The following IL15 variants were observed in gnomAD, a reference collection of about 807,000 sequenced individuals.
The protein encoded by IL15 is interleukin-15.
IL15 carries 11 observed loss-of-function variants against 19.6 expected under a neutral mutation model. The ratio of observed to expected loss-of-function variants is 0.56; its 90% confidence interval spans 0.35 to 0.93. IL15 has a LOEUF of 0.93. Ranked by LOEUF, IL15 falls within the 40% of genes least tolerant of loss-of-function variation. IL15 has a pLI of 0.01. For synonymous variants in IL15, 58 were observed against 59.6 expected, an observed-to-expected ratio of 0.97 and a Z score of 0.12; for missense variants, 197 against 186.5, an observed-to-expected ratio of 1.06 and a Z score of -0.33.
intron 1 of IL15, among the ~76,000 whole-genome samples, chr4:141,651,493 CTGGTGA>C (rs1162695508): frequency 9.2e-5 from 14 of 152,050 alleles, no homozygotes; most frequent in Admixed American, 8.5e-4. Context: ...GTACATTATT[CTGGTGA>C]TGGTTACACT....
intron 2 of IL15, among the ~76,000 whole-genome samples, chr4:141,660,775 T>C (rs1415245559): frequency 6.6e-6 from 1 of 152,184 alleles, no homozygotes; most frequent in African/African-American, 2.4e-5. Flanking sequence ...AGCACTTCAG[T>C]GATTATATTT....
At chr4:141,650,920 A>G (rs531893336) in intron 1 of IL15, among the ~76,000 whole-genome samples, 12 of 152,226 alleles carry the variant, frequency 7.9e-5, no homozygotes, top group Non-Finnish European at 2.9e-5. Flanking sequence ...CCAAGTCTCT[A>G]GACCCCAGTC....
chr4:141,662,808 A>G (rs1727837718), intron 2 of IL15, among the ~76,000 whole-genome samples: 1 of 150,978 alleles, frequency 6.6e-6, no homozygotes, highest in Non-Finnish European at 1.5e-5. Context: ...ATTACATTCT[A>G]TCTAATGACT....
In IL15 at chr4:141,684,702, C is replaced by A. The variant is rs181443633; in HGVS notation, c.-100+28395C>A. Among the ~76,000 whole-genome samples, 17 of 152,274 alleles carry A rather than the reference C, an allele frequency of 1.1e-4. No homozygotes were observed. The East Asian group carries it at 3.1e-3, about 28-fold the overall frequency. On this transcript the variant is annotated intron_variant, in intron 2 of 7. Transcript: ENST00000320650. ...ACTTTATCCACTCTTCAAAACTAAC[C>A]TCAATTACCACCCATTCCAAGGCCT...
chr4:141,647,011 A>G (rs916999441), intron 1 of IL15, among the ~76,000 whole-genome samples: 4 of 152,158 alleles, frequency 2.6e-5, no homozygotes, highest in Non-Finnish European at 4.4e-5. Context: ...AATGCTAAGT[A>G]GTAGGGTACT....
intron 2 of IL15, among the ~76,000 whole-genome samples, chr4:141,668,198 G>T (rs189994502): frequency 6.6e-6 from 1 of 152,162 alleles, no homozygotes; most frequent in Non-Finnish European, 1.5e-5. Flanking sequence ...GGAAATACAC[G>T]CACATCCTTG....
intron 5 of IL15, among the ~76,000 whole-genome samples, chr4:141,726,802 T>C (rs1005937029): frequency 6.6e-6 from 1 of 152,076 alleles, no homozygotes; most frequent in Non-Finnish European, 1.5e-5. Context: ...CAGGGTATTA[T>C]GATGAGTGAA....
Position 141,701,492 on chromosome 4 carries a change from T to C in IL15, c.-99-17874T>C, listed in dbSNP as rs188021812. ...GGCAAGTTCACTGTCTCCTATGGAG[T>C]TGGAATGGCAGGGATCTCTTGAAGT... On this transcript the variant is annotated intron_variant, in intron 2 of 7. Coordinates refer to ENST00000320650, the MANE Select transcript of IL15 (RefSeq NM_000585.5). Among the ~76,000 whole-genome samples, 6 of 152,248 alleles carry C rather than the reference T, an allele frequency of 3.9e-5. No individual in the cohort carries two copies. In the East Asian group the frequency reaches 1.2e-3, roughly 29 times the overall value.
intron 3 of IL15, 49 bp from the exon 4 acceptor site, chr4:141,720,420 A>G: frequency 1.1e-6 from 1 of 941,264 alleles, no homozygotes; most frequent in Non-Finnish European, 1.7e-6. Context: ...TTTAAACCTC[A>G]CTTTTTAACT....
chr4:141,664,066 T>C (rs1302197650), intron 2 of IL15, among the ~76,000 whole-genome samples: 1 of 152,086 alleles, frequency 6.6e-6, no homozygotes, highest in Non-Finnish European at 1.5e-5. Context: ...GCTTATTCTG[T>C]TAAAAGTATA....
intron 2 of IL15, chr4:141,715,943 A>G (rs1205557945): frequency 6.6e-6 from 1 of 152,202 alleles, no homozygotes; most frequent in Non-Finnish European, 1.5e-5. Context: ...CTTGGGAAAT[A>G]GCAATGGTGT....
intron 1 of IL15, among the ~76,000 whole-genome samples, chr4:141,640,423 A>G (rs886447606): frequency 6.6e-6 from 1 of 152,174 alleles, no homozygotes; most frequent in African/African-American, 2.4e-5. Context: ...TTCGGATATC[A>G]TATGCATTCT....
At chr4:141,702,947 A>G (rs1050043556) in intron 2 of IL15, among the ~76,000 whole-genome samples, 1 of 152,196 alleles carries the variant, frequency 6.6e-6, no homozygotes, top group African/African-American at 2.4e-5. Context: ...TGTAAGAGGC[A>G]TGGGGTGGTT....
At chr4:141,683,193 G>A (rs1461239086) in intron 2 of IL15, among the ~76,000 whole-genome samples, 1 of 151,132 alleles carries the variant, frequency 6.6e-6, no homozygotes, top group Non-Finnish European at 1.5e-5. Flanking sequence ...CACTTGAACC[G>A]GGTAGGTGGA....
At chr4:141,704,583 C>T in intron 2 of IL15, 1 of 382,070 alleles carries the variant, frequency 2.6e-6, no homozygotes, top group Non-Finnish European at 5.3e-6. Context: ...AGTATTCTCC[C>T]ATCTTCAATT....
Position 141,733,011 on chromosome 4 carries a change from GA to G in IL15, c.*168del. ...AGATGAACTCTTAGAAATGAAGGCA[GA>G]AAAATGTCATTGAGTAATATAGTGA... is the stretch of plus-strand genomic sequence containing the variant. On this transcript the variant is annotated 3_prime_UTR_variant, in exon 8 of 8. Coordinates refer to ENST00000320650, the MANE Select transcript of IL15 (RefSeq NM_000585.5). The G allele has an allele frequency of 5.4e-6, 6 of 1,116,794 alleles. No homozygotes were observed. Among genetic ancestry groups the G allele is most frequent in the Non-Finnish European group, 6.0e-6 (5 of 831,646 alleles). 69.2% of individuals were successfully genotyped at this position (1,116,794 alleles called of 1,614,324 possible).
Position 141,733,547 on chromosome 4 carries a change from G to A in IL15, c.*699G>A, listed in dbSNP as rs564298727. 26 of 152,310 alleles carry A rather than the reference G, an allele frequency of 1.7e-4. 1 individual carries two copies. The highest frequency in any genetic ancestry group is 3.1e-4 in the African/African-American group (13 of 41,564). 9.4% of individuals were successfully genotyped at this position (152,310 alleles called of 1,614,324 possible). ...ATGGTGTGCAAGCTTGTCCAATCAC[G>A]GATTGCAGGCCACATGCGGCCCAGG... On this transcript the variant is annotated 3_prime_UTR_variant, in exon 8 of 8. Transcript: ENST00000320650.
intron 2 of IL15, among the ~76,000 whole-genome samples, chr4:141,658,860 AAT>A (rs202071071): frequency 0.032 from 3,028 of 95,528 alleles, 97 homozygotes; most frequent in African/African-American, 0.11. Context: ...TGTTTCTTGG[AAT>A]TTTTTTTTTT....
intron 2 of IL15, among the ~76,000 whole-genome samples, chr4:141,702,988 G>A (rs1212206820): frequency 1.3e-5 from 2 of 152,180 alleles, no homozygotes; most frequent in Admixed American, 6.5e-5. Flanking sequence ...ATCCAGAGGT[G>A]AGTATAACTG....
Sources: gnomAD v4.1 joint callset for allele counts (sites outside exome capture counted in the v4.1 genomes callset) on GRCh38, gnomAD v4.1.1 for gene constraint, MANE v1.5 for transcripts, NCBI Gene and HGNC (gene_info 2026-07-23, HGNC 2026-07-21) for gene names.